Variants in TBXAS1 observed in about 807,000 individuals in gnomAD.
The protein encoded by TBXAS1 is thromboxane-A synthase.
In TBXAS1, 48 loss-of-function variants were observed where a neutral mutation model predicts 60.7. The ratio of observed to expected loss-of-function variants is 0.79; its 90% confidence interval spans 0.63 to 1.01. TBXAS1 has a LOEUF of 1.01. TBXAS1 is among the 50% of genes least tolerant of loss of function. TBXAS1 has a pLI of 0.00. For synonymous variants in TBXAS1, 287 were observed against 269.7 expected, an observed-to-expected ratio of 1.06 and a Z score of -0.63; for missense variants, 685 against 686.3, an observed-to-expected ratio of 1.00 and a Z score of 0.02.
At chr7:139,883,436 T>G (rs1270700394) in intron 3 of TBXAS1, among the ~76,000 whole-genome samples, 3 of 152,220 alleles carry the variant, frequency 2.0e-5, no homozygotes, top group African/African-American at 7.2e-5. Context: ...CCCCCCATCC[T>G]CTTTCTATAA....
chr7:139,828,940 T>G (rs1039843748), upstream of TBXAS1, among the ~76,000 whole-genome samples: 1 of 152,184 alleles, frequency 6.6e-6, no homozygotes, highest in Non-Finnish European at 1.5e-5. Flanking sequence ...TAATTGTGAA[T>G]TTAAAAAATT....
chr7:139,916,286 C>T lies in TBXAS1; in HGVS notation c.333+4965C>T, dbSNP rs1183562365. On this transcript the variant is annotated intron_variant, in intron 4 of 12. Transcript: ENST00000448866. This position sits in a 1 kb window ranked among gnomAD's most constrained non-coding sequence, Gnocchi z 4.2. Reference sequence around the variant, plus strand: ...TGTGGGAAGGGTGATAAGAGGTAAGCCAGTCTTTGGCCCATGTTAGCTTGG... The same window carrying T: ...TGTGGGAAGGGTGATAAGAGGTAAGTCAGTCTTTGGCCCATGTTAGCTTGG... Among the ~76,000 whole-genome samples, 8 of 152,240 alleles carry T rather than the reference C, an allele frequency of 5.3e-5. No homozygotes were observed. The highest frequency in any genetic ancestry group is 5.2e-4 in the Admixed American group (8 of 15,290).
At position 140,018,099 on chromosome 7, in the gene TBXAS1, G is replaced by A. The variant is rs116013224; in HGVS notation, c.1527+266G>A. Among the ~76,000 whole-genome samples the A allele has an allele frequency of 2.6e-3, 402 of 152,332 alleles. 1 individual carries two copies. Among genetic ancestry groups the A allele is most frequent in the African/African-American group, 9.3e-3 (388 of 41,564 alleles). On this transcript the variant is annotated intron_variant, in intron 12 of 12. Coordinates refer to ENST00000448866, the MANE Select transcript of TBXAS1 (RefSeq NM_001061.7). ...AGCCCTGGCAAGCCAACCCGAGCAC[G>A]TGTTAACCATTGTTATTAGTATTGT...
intron 9 of TBXAS1, among the ~76,000 whole-genome samples, chr7:139,981,027 CACA>C (rs956893868): frequency 1.1e-4 from 17 of 151,762 alleles, no homozygotes; most frequent in Admixed American, 2.6e-4. Flanking sequence ...CAGTAAAAAC[CACA>C]ACAACAAAAA....
At chr7:139,827,553 C>T (rs540628815), upstream of TBXAS1, among the ~76,000 whole-genome samples, 7 of 152,222 alleles carry the variant, frequency 4.6e-5, no homozygotes, top group Non-Finnish European at 8.8e-5. Context: ...TGTTTTTTAA[C>T]TTGTATTTTT....
chr7:139,992,042 A>T (rs979893064), intron 9 of TBXAS1, among the ~76,000 whole-genome samples: 2 of 152,146 alleles, frequency 1.3e-5, no homozygotes, highest in African/African-American at 4.8e-5. Context: ...CTCTCCCCCA[A>T]CGCCCAGCCA....
intron 9 of TBXAS1, among the ~76,000 whole-genome samples, chr7:140,003,644 G>A (rs1432423963): frequency 1.3e-5 from 2 of 152,108 alleles, no homozygotes; most frequent in East Asian, 1.9e-4. Flanking sequence ...TTGACAAACC[G>A]TGACAACTTA....
At chr7:139,926,312 G>A (rs1351430445) in intron 4 of TBXAS1, among the ~76,000 whole-genome samples, 5 of 152,042 alleles carry the variant, frequency 3.3e-5, no homozygotes, top group African/African-American at 7.2e-5. Context: ...TTTTTATTAC[G>A]GCTTTGATTT....
chr7:139,797,756 C>T (rs951400835), intron 4 of TBXAS1, among the ~76,000 whole-genome samples: 1 of 152,164 alleles, frequency 6.6e-6, no homozygotes, highest in African/African-American at 2.4e-5. Flanking sequence ...CTGCTGACCA[C>T]TGTAATGTCC....
chr7:139,997,565 C>A (rs191865334), intron 9 of TBXAS1, among the ~76,000 whole-genome samples: 1 of 152,062 alleles, frequency 6.6e-6, no homozygotes, highest in Admixed American at 6.6e-5. Flanking sequence ...CCCCTCCCCC[C>A]ACTATACACA....
At chr7:139,892,854 T>C (rs1474824636) in intron 3 of TBXAS1, among the ~76,000 whole-genome samples, 1 of 152,050 alleles carries the variant, frequency 6.6e-6, no homozygotes, top group African/African-American at 2.4e-5. Flanking sequence ...GTCCTGCACA[T>C]GGGTCCTCTC....
At chr7:139,865,716 GGAGGAGGAGGAGGAA>G (rs1319903944) in intron 1 of TBXAS1, among the ~76,000 whole-genome samples, 48 of 132,570 alleles carry the variant, frequency 3.6e-4, no homozygotes, top group African/African-American at 6.0e-4. Flanking sequence ...AGGAGGAAGA[GGAGGAGGAGGAGGAA>G]GAGGAGGAGG....
At chr7:139,948,075 G>A (rs1290537861) in intron 5 of TBXAS1, among the ~76,000 whole-genome samples, 1 of 152,122 alleles carries the variant, frequency 6.6e-6, no homozygotes, top group Non-Finnish European at 1.5e-5. Flanking sequence ...ATGTTGACCA[G>A]GCTAGTCTTG....
intron 1 of TBXAS1, among the ~76,000 whole-genome samples, chr7:139,869,375 C>CTTCA (rs1393781426): frequency 6.6e-6 from 1 of 151,970 alleles, no homozygotes; most frequent in Non-Finnish European, 1.5e-5. Context: ...GGCCCCTGTA[C>CTTCA]TTCAGTATGA....
chr7:139,843,545 G>T (rs1342991462), intron 1 of TBXAS1, among the ~76,000 whole-genome samples: 1 of 152,118 alleles, frequency 6.6e-6, no homozygotes, highest in Non-Finnish European at 1.5e-5. Flanking sequence ...GTTTCATCAT[G>T]TTGGCCAGTC....
chr7:139,780,238 C>T (rs1477856710), intron 1 of TBXAS1, among the ~76,000 whole-genome samples: 1 of 152,256 alleles, frequency 6.6e-6, no homozygotes, highest in Non-Finnish European at 1.5e-5. Flanking sequence ...GCATGTCTCT[C>T]TGCCCCTTTC....
intron 1 of TBXAS1, among the ~76,000 whole-genome samples, chr7:139,861,120 G>C (rs1800930999): frequency 6.6e-6 from 1 of 151,158 alleles, no homozygotes; most frequent in Non-Finnish European, 1.5e-5. Flanking sequence ...GTTGCAGTGA[G>C]CTGAGATCAT....
chr7:139,827,683 C>T (rs568114872), upstream of TBXAS1, among the ~76,000 whole-genome samples: 4 of 152,142 alleles, frequency 2.6e-5, no homozygotes, highest in Non-Finnish European at 4.4e-5. Flanking sequence ...TTGGTAATGA[C>T]GAATTCTCTC....
At chr7:140,012,786 G>A (rs1814723199) in intron 10 of TBXAS1, among the ~76,000 whole-genome samples, 1 of 152,142 alleles carries the variant, frequency 6.6e-6, no homozygotes, top group Non-Finnish European at 1.5e-5. Flanking sequence ...GAGAGCGTGT[G>A]CTCAACACTC....
Sources: gnomAD v4.1 joint callset for allele counts (sites outside exome capture counted in the v4.1 genomes callset) on GRCh38, gnomAD v4.1.1 for gene constraint, Gnocchi (gnomAD v3.1) non-coding constraint, MANE v1.5 for transcripts, NCBI Gene and HGNC (gene_info 2026-07-23, HGNC 2026-07-21) for gene names.